ITGB8: variants seen among roughly 807,000 people sequenced by gnomAD.
The protein encoded by ITGB8 is integrin subunit beta 8.
In ITGB8, 30 loss-of-function variants were observed where a neutral mutation model predicts 89.5. The ratio of observed to expected loss-of-function variants is 0.34; its 90% CI spans 0.25 to 0.45. The LOEUF (loss-of-function observed/expected upper bound fraction) is 0.45. ITGB8 is among the 20% of genes least tolerant of loss of function. ITGB8 has a pLI of 1.00. For missense variants in ITGB8, 836 were observed against 933.3 expected, an observed-to-expected ratio of 0.90 and a Z score of 1.36; for synonymous variants, 335 against 320.4, an observed-to-expected ratio of 1.05 and a Z score of -0.49.
intron 1 of ITGB8, among the ~76,000 whole-genome samples, chr7:20,362,553 T>C (rs1382227453): frequency 1.3e-5 from 2 of 152,222 alleles, no homozygotes; most frequent in Non-Finnish European, 2.9e-5. Flanking sequence ...ACCTTTTCCC[T>C]GTTCTTCTAG....
At chr7:20,345,219 A>G (rs1223721599) in intron 1 of ITGB8, among the ~76,000 whole-genome samples, 3 of 152,220 alleles carry the variant, frequency 2.0e-5, no homozygotes, top group Non-Finnish European at 4.4e-5. Flanking sequence ...GGATATTGAC[A>G]TTGTAATCCA....
At position 20,331,761 on chromosome 7, in the gene ITGB8, C is replaced by T. The variant is rs758003880; in HGVS notation, c.-46C>T. 1 of 1,586,424 alleles carries T rather than the reference C, an allele frequency of 6.3e-7. No homozygotes were observed. The highest frequency in any genetic ancestry group is 1.1e-5 in the South Asian group (1 of 88,358). On this transcript the variant is annotated 5_prime_UTR_variant, in exon 1 of 14. Transcript: ENST00000222573. ...GCGCCCGGGAGGCGCGAGCCCGCGT[C>T]CGGAAGGCAGTCAGGCGGCGGGCGC... is the stretch of plus-strand genomic sequence containing the variant.
intron 1 of ITGB8, among the ~76,000 whole-genome samples, chr7:20,344,566 G>A (rs1784861093): frequency 6.6e-6 from 1 of 152,220 alleles, no homozygotes; most frequent in African/African-American, 2.4e-5. Context: ...AATGAGTAGA[G>A]TGAGGACATC....
chr7:20,376,611 T>C (rs1215239755), intron 3 of ITGB8, among the ~76,000 whole-genome samples: 1 of 152,118 alleles, frequency 6.6e-6, no homozygotes, highest in Non-Finnish European at 1.5e-5. Context: ...TTATGAGGAC[T>C]ATCTCAAACT....
Position 20,360,329 on chromosome 7 carries a change from A to C in ITGB8, c.128-3308A>C, listed in dbSNP as rs570711491. Reference sequence around the variant, plus strand: ...TCCTAGATTCCACAGCTTCCCTTCCATGAGACTACAGTCCTTTAATTTTTT... The same window carrying C: ...TCCTAGATTCCACAGCTTCCCTTCCCTGAGACTACAGTCCTTTAATTTTTT... On this transcript the variant is annotated intron_variant, in intron 1 of 13. Coordinates refer to ENST00000222573, the MANE Select transcript of ITGB8 (RefSeq NM_002214.3). Among the ~76,000 whole-genome samples, 6 of 139,138 alleles carry C rather than the reference A, an allele frequency of 4.3e-5. No individual in the cohort carries two copies. The East Asian group carries it at 1.1e-3, about 25-fold the overall frequency. The allele number at this position is 139,138 out of a possible 152,430, so 91.3% of individuals were successfully genotyped here. A position where few individuals can be genotyped will look rare whatever the true frequency, so the allele number is the denominator to read the frequency against.
rs756396962 is a variant in ITGB8, at chr7:20,409,857, T to C, written c.2188-18T>C. 45 of 1,612,008 alleles carry C rather than the reference T, an allele frequency of 2.8e-5. No individual in the cohort carries two copies. Among genetic ancestry groups the C allele is most frequent in the Non-Finnish European group, 3.5e-5 (41 of 1,179,112 alleles). The stretch of plus-strand genomic sequence containing the variant: ...TATTTAGGCCCTTAGTTAATAATAA[T>C]ATTTCTTCTCTATTAAGGATAAGTT... On this transcript the variant is annotated intron_variant, in intron 13 of 13. Transcript: ENST00000222573.
chr7:20,343,467 T>C (rs1583469545), intron 1 of ITGB8, among the ~76,000 whole-genome samples: 1 of 152,318 alleles, frequency 6.6e-6, no homozygotes, highest in African/African-American at 2.4e-5. Context: ...TCTTGTTAAG[T>C]TCTGTCTTAT....
Position 20,367,385 on chromosome 7 carries a change from C to T in ITGB8, c.388+199C>T, listed in dbSNP as rs188905704. Among the ~76,000 whole-genome samples, 97 of 152,268 alleles carry T rather than the reference C, an allele frequency of 6.4e-4. 1 individual carries two copies. The highest frequency in any genetic ancestry group is 1.2e-3 in the Non-Finnish European group (84 of 68,014). ...GTGTCTTCGGACACTGCAAACCTGA[C>T]CACACTATATTCTAATTATGTGTTC... On this transcript the variant is annotated intron_variant, in intron 3 of 13. Transcript: ENST00000222573.
chr7:20,333,568 A>G (rs1784482223), intron 1 of ITGB8, among the ~76,000 whole-genome samples: 1 of 151,890 alleles, frequency 6.6e-6, no homozygotes, highest in South Asian at 2.1e-4. Context: ...TTTACTATTT[A>G]AAGTACATTT....
At chr7:20,376,332 C>G (rs754528185) in intron 3 of ITGB8, among the ~76,000 whole-genome samples, 7 of 152,134 alleles carry the variant, frequency 4.6e-5, no homozygotes, top group Non-Finnish European at 8.8e-5. Context: ...TTTCCAGGGT[C>G]ACTCTAAGCC....
intron 12 of ITGB8, among the ~76,000 whole-genome samples, chr7:20,408,685 T>C (rs937503956): frequency 6.6e-6 from 1 of 152,136 alleles, no homozygotes; most frequent in Non-Finnish European, 1.5e-5. Context: ...GTGAGTTCCA[T>C]GGACTACTTG....
chr7:20,410,089 T>G lies in ITGB8; in HGVS notation c.*92T>G. On this transcript the variant is annotated 3_prime_UTR_variant, in exon 14 of 14. Coordinates refer to ENST00000222573, the MANE Select transcript of ITGB8 (RefSeq NM_002214.3). ...TTAAAAGTCACAGGAGGAGACAAAT[T>G]GCTCACGGTCATGCCAGTTGCTGGT... 1 of 1,309,784 alleles carries G rather than the reference T, an allele frequency of 7.6e-7. No homozygotes were observed. The highest frequency in any genetic ancestry group is 1.4e-5 in the South Asian group (1 of 72,034). The allele number at this position is 1,309,784 out of a possible 1,614,324, so 81.1% of individuals were successfully genotyped here.
intron 3 of ITGB8, among the ~76,000 whole-genome samples, chr7:20,368,565 C>T (rs1273945560): frequency 6.6e-6 from 1 of 152,026 alleles, no homozygotes; most frequent in Admixed American, 6.6e-5. Context: ...ACAAATATGC[C>T]TATTTTTCTA....
intron 8 of ITGB8, among the ~76,000 whole-genome samples, chr7:20,395,891 C>G (rs529649788): frequency 6.6e-6 from 1 of 152,208 alleles, no homozygotes; most frequent in Non-Finnish European, 1.5e-5. Context: ...TCCTCCTCTG[C>G]GATACCACCT....
In ITGB8 at chr7:20,380,762, G is replaced by A. The variant is rs764967594; in HGVS notation, c.732G>A (p.Gln244=). 2.4e-5 allele frequency: 39 copies of A among 1,613,860 alleles called. No individual in the cohort carries two copies. The highest frequency in any genetic ancestry group is 3.2e-5 in the Non-Finnish European group (38 of 1,179,846). The stretch of plus-strand genomic sequence containing the variant: ...AGTTTGAGAAAGCAGTTCATAGACA[G>A]AAGATCTCTGGAAACATAGATACAC... ...ITEFEKAVHR[Q]KISGNIDTPE... Residue 244 remains glutamine (Q), a synonymous_variant, in exon 5 of 14, where the codon CAG becomes CAA. Coordinates refer to ENST00000222573, the MANE Select transcript of ITGB8 (RefSeq NM_002214.3).
At chr7:20,376,033 G>C (rs1354518121) in intron 3 of ITGB8, among the ~76,000 whole-genome samples, 1 of 152,136 alleles carries the variant, frequency 6.6e-6, no homozygotes, top group Non-Finnish European at 1.5e-5. Flanking sequence ...GAGGAAGGAG[G>C]AAAAGTGAGG....
chr7:20,385,732 T>G (rs1001092255), intron 6 of ITGB8, among the ~76,000 whole-genome samples: 4 of 152,226 alleles, frequency 2.6e-5, no homozygotes, highest in Non-Finnish European at 5.9e-5. Context: ...TTATACTTAA[T>G]TTTTCCAGGA....
intron 12 of ITGB8, among the ~76,000 whole-genome samples, chr7:20,406,474 C>T (rs373932801): frequency 4.6e-5 from 7 of 151,748 alleles, no homozygotes; most frequent in East Asian, 3.9e-4. Context: ...CCCTTGAATC[C>T]GGGAGGCGGA....
Position 20,412,869 on chromosome 7 carries a change from T to C in ITGB8, c.*2872T>C, listed in dbSNP as rs989937686. On this transcript the variant is annotated 3_prime_UTR_variant, in exon 14 of 14. Coordinates refer to ENST00000222573, the MANE Select transcript of ITGB8 (RefSeq NM_002214.3). ...AAATAATGTATGCAAATAGAGTCTA[T>C]TTTCAACTAATATGGCCACAGGAGC... 3.3e-5 allele frequency: 5 copies of C among 152,612 alleles called. No individual in the cohort carries two copies. In the South Asian group the frequency reaches 8.3e-4, roughly 25 times the overall value. 9.5% of individuals were successfully genotyped at this position (152,612 alleles called of 1,614,324 possible). A position where few individuals can be genotyped will look rare whatever the true frequency, so the allele number is the denominator to read the frequency against.
Sources: allele counts gnomAD v4.1 joint callset (sites outside exome capture counted in the v4.1 genomes callset), GRCh38; gene constraint gnomAD v4.1.1; transcripts MANE v1.5; gene names NCBI Gene and HGNC (gene_info 2026-07-23, HGNC 2026-07-21).